Variants in INPP5A observed in about 807,000 individuals in gnomAD.
INPP5A encodes inositol polyphosphate-5-phosphatase A.
INPP5A carries 14 observed loss-of-function variants against 65.2 expected under a neutral mutation model. The observed-to-expected ratio is 0.21, with a 90% CI of 0.14 to 0.34. The LOEUF (loss-of-function observed/expected upper bound fraction) is 0.34. INPP5A is among the 10% of genes least tolerant of loss of function. The pLI is 1.00. For missense variants in INPP5A, 431 were observed against 545.6 expected (o/e 0.79, Z 2.09); for synonymous variants, 207 against 208.3 (o/e 0.99, Z 0.05).
At chr10:132,777,829 C>T in intron 13 of INPP5A, 47 bp downstream of exon 13, 7 of 1,596,450 alleles carry the variant, frequency 4.4e-6, no homozygotes, top group Non-Finnish European at 6.0e-6. Flanking sequence ...ATGTGGAGCG[C>T]TGGGTCTGGT....
chr10:132,582,496 C>T (rs1263999547), intron 1 of INPP5A, among the ~76,000 whole-genome samples: 1 of 150,930 alleles, frequency 6.6e-6, no homozygotes, highest in East Asian at 2.0e-4. Context: ...CGGCTCACTG[C>T]ATCCTTGACC....
chr10:132,671,521 T>C (rs898623181), intron 4 of INPP5A, among the ~76,000 whole-genome samples: 2 of 152,192 alleles, frequency 1.3e-5, no homozygotes, highest in Non-Finnish European at 2.9e-5. Context: ...CCTCCTTGCT[T>C]TGGAAGGACA....
Position 132,650,008 on chromosome 10 carries a change from A to G in INPP5A, c.219-410A>G, listed in dbSNP as rs2072551947. Among the ~76,000 whole-genome samples, 1 of 152,270 alleles carries G rather than the reference A, an allele frequency of 6.6e-6. No homozygotes were observed. The highest frequency in any genetic ancestry group is 2.1e-4 in the South Asian group (1 of 4,824). On this transcript the variant is annotated intron_variant, in intron 3 of 15. Transcript: ENST00000368594. The surrounding 1 kb of genome is among the most constrained non-coding windows in gnomAD (Gnocchi z 5.5). The stretch of plus-strand genomic sequence containing the variant: ...CAGAACTACCTGGGCCCTGGGGTGC[A>G]TGTGCCCCAACCTGTGTGTGCTGGT...
intron 4 of INPP5A, among the ~76,000 whole-genome samples, chr10:132,673,044 C>A (rs1378349566): frequency 6.6e-6 from 1 of 152,202 alleles, no homozygotes; most frequent in Non-Finnish European, 1.5e-5. Flanking sequence ...CCTAATGGAT[C>A]TCCTGTATTC....
intron 11 of INPP5A, among the ~76,000 whole-genome samples, chr10:132,759,362 G>A (rs562427957): frequency 1.2e-4 from 17 of 145,380 alleles, no homozygotes; most frequent in South Asian, 2.2e-4. Context: ...CCCCTGAGGC[G>A]CCTCATGCCA....
chr10:132,711,958 C>T (rs756372624), intron 8 of INPP5A, among the ~76,000 whole-genome samples: 3 of 152,164 alleles, frequency 2.0e-5, no homozygotes, highest in African/African-American at 7.2e-5. Flanking sequence ...TGGAGGGGTC[C>T]GTGGGTGGGG....
intron 4 of INPP5A, among the ~76,000 whole-genome samples, chr10:132,670,785 C>A (rs934173458): frequency 6.6e-6 from 1 of 151,982 alleles, no homozygotes; most frequent in Non-Finnish European, 1.5e-5. Flanking sequence ...TCCCTTGACC[C>A]CGTATCTCCC....
intron 2 of INPP5A, among the ~76,000 whole-genome samples, chr10:132,628,082 T>C (rs2133369255): frequency 6.6e-6 from 1 of 152,208 alleles, no homozygotes; most frequent in East Asian, 1.9e-4. Context: ...TAGGCTCAAG[T>C]GTGGAAATTA....
At chr10:132,567,935 G>A (rs2133279348) in intron 1 of INPP5A, among the ~76,000 whole-genome samples, 1 of 152,236 alleles carries the variant, frequency 6.6e-6, no homozygotes, top group East Asian at 1.9e-4. Context: ...GCTCACGCCT[G>A]TAACCCCAGC....
At chr10:132,708,179 G>A in intron 6 of INPP5A, 134 bp from the exon 7 acceptor site, 3 of 722,184 alleles carry the variant, frequency 4.2e-6, no homozygotes, top group Non-Finnish European at 7.2e-6. Context: ...CTTTAGTGGG[G>A]CGGCATCAGT....
intron 11 of INPP5A, among the ~76,000 whole-genome samples, chr10:132,756,015 G>A (rs1846602741): frequency 6.6e-6 from 1 of 152,224 alleles, no homozygotes; most frequent in African/African-American, 2.4e-5. Flanking sequence ...CTCTGCCTGG[G>A]CCCCAGGGAG....
rs990883338 is a variant in INPP5A at position 132,630,664 on chromosome 10, A to G, written c.118-15204A>G. 1.5e-4 allele frequency among the ~76,000 whole-genome samples: 19 copies of G among 129,566 alleles called. No homozygotes were observed. The South Asian group carries it at 2.2e-3, about 15-fold the overall frequency. 85.0% of individuals were successfully genotyped at this position (129,566 alleles called of 152,430 possible). A position where few individuals can be genotyped will look rare whatever the true frequency, so the allele number is the denominator to read the frequency against. ...AGGGGAAGACATCCATGAGGGGAAG[A>G]CATCCATGAGGGGAAGGCATCAGTG... On this transcript the variant is annotated intron_variant, in intron 2 of 15. Transcript: ENST00000368594.
intron 8 of INPP5A, among the ~76,000 whole-genome samples, chr10:132,715,989 C>T (rs948666084): frequency 1.3e-5 from 2 of 152,268 alleles, no homozygotes; most frequent in East Asian, 1.9e-4. Flanking sequence ...GTCGCCTTAG[C>T]CTCTCCAGGG....
At chr10:132,758,025 C>CG (rs1195360654) in intron 11 of INPP5A, among the ~76,000 whole-genome samples, 1 of 142,658 alleles carries the variant, frequency 7.0e-6, no homozygotes, top group Non-Finnish European at 1.5e-5. Flanking sequence ...AACACAGTGC[C>CG]GTGGTGTGGG....
rs1845518419 is a variant in INPP5A at position 132,705,376 on chromosome 10, G to A, written c.475-2937G>A. 6.6e-6 allele frequency among the ~76,000 whole-genome samples: 1 copy of A among 152,380 alleles called. No individual in the cohort carries two copies. The highest frequency in any genetic ancestry group is 6.5e-5 in the Admixed American group (1 of 15,312). ...TGGGCATGGCCCCATGCAGCAGCCA[G>A]ACCAGTAGCCTGGGGATGCCTTGGC... On this transcript the variant is annotated intron_variant, in intron 6 of 15. Coordinates refer to ENST00000368594, the MANE Select transcript of INPP5A (RefSeq NM_005539.5). The surrounding 1 kb of genome is among the most constrained non-coding windows in gnomAD (Gnocchi z 4.9).
rs1370704245 is a variant in INPP5A at position 132,753,077 on chromosome 10, T to A, written c.903+3232T>A. ...AGAAGAGCCGATGCCTCGGCGTTCC[T>A]GTCCTGCTACTCAGATCCTCTCTGT... is the stretch of plus-strand genomic sequence containing the variant. On this transcript the variant is annotated intron_variant, in intron 11 of 15. Coordinates refer to ENST00000368594, the MANE Select transcript of INPP5A (RefSeq NM_005539.5). This position sits in a 1 kb window ranked among gnomAD's most constrained non-coding sequence, Gnocchi z 5.3. Among the ~76,000 whole-genome samples, 6 of 152,150 alleles carry A rather than the reference T, an allele frequency of 3.9e-5. No homozygotes were observed. The highest frequency in any genetic ancestry group is 7.4e-5 in the Non-Finnish European group (5 of 68,012).
intron 12 of INPP5A, among the ~76,000 whole-genome samples, chr10:132,766,692 GTGTT>G (rs1487058271): frequency 2.0e-5 from 3 of 152,150 alleles, no homozygotes; most frequent in East Asian, 3.8e-4. Flanking sequence ...ACATGTGTGT[GTGTT>G]CACGCGTGGA....
At chr10:132,732,986 A>T (rs1195030183) in intron 9 of INPP5A, among the ~76,000 whole-genome samples, 1 of 152,150 alleles carries the variant, frequency 6.6e-6, no homozygotes, top group African/African-American at 2.4e-5. Flanking sequence ...ACAGTCCTGG[A>T]ACCTGGACAT....
intron 4 of INPP5A, among the ~76,000 whole-genome samples, chr10:132,654,554 G>C (rs895862417): frequency 1.3e-5 from 2 of 152,210 alleles, no homozygotes; most frequent in African/African-American, 4.8e-5. Context: ...CGGGGTCCTG[G>C]GCAGAGCTGG....
Sources: allele counts gnomAD v4.1 joint callset (sites outside exome capture counted in the v4.1 genomes callset), GRCh38; gene constraint gnomAD v4.1.1; non-coding constraint Gnocchi (gnomAD v3.1); transcripts MANE v1.5; gene names NCBI Gene and HGNC (gene_info 2026-07-23, HGNC 2026-07-21).